Variants in CNNM2 observed in about 807,000 individuals in gnomAD.
CNNM2 encodes the protein cyclin and CBS domain divalent metal cation transport mediator 2.
A neutral mutation model predicts 66.9 loss-of-function variants in CNNM2; 12 were observed. That is an observed-to-expected ratio of 0.18 (90% CI 0.11 to 0.29). The LOEUF is 0.29. CNNM2 is among the 10% of genes least tolerant of loss of function. The pLI is 1.00. For synonymous variants in CNNM2, 557 were observed against 501.8 expected (o/e 1.11, Z -1.47); for missense variants, 705 against 1,167.7 (o/e 0.60, Z 5.77).
At chr10:103,034,559 T>C (rs542278650) in intron 1 of CNNM2, among the ~76,000 whole-genome samples, 60 of 152,286 alleles carry the variant, frequency 3.9e-4, no homozygotes, top group African/African-American at 1.4e-3. Flanking sequence ...ACTGATCTTG[T>C]CTACTTGTGT....
chr10:103,012,609 C>A (rs1414570344), intron 1 of CNNM2, among the ~76,000 whole-genome samples: 1 of 149,386 alleles, frequency 6.7e-6, no homozygotes, highest in East Asian at 2.0e-4. Context: ...GATTGCACCA[C>A]TGCACTCCAG....
rs2065868773 is a variant in CNNM2 at position 103,087,830 on chromosome 10, G to A, written c.*10650G>A. The stretch of plus-strand genomic sequence containing the variant: ...CCAATATATACCATTTAGAATGTAT[G>A]TATGTTTCTTGGATGACTTAATCTG... On this transcript the variant is annotated 3_prime_UTR_variant, in exon 8 of 8. Coordinates refer to ENST00000369878, the MANE Select transcript of CNNM2 (RefSeq NM_017649.5). The A allele has an allele frequency of 3.9e-5, 6 of 152,196 alleles. No individual in the cohort carries two copies. In the South Asian group the frequency reaches 8.3e-4, roughly 21 times the overall value. The allele number at this position is 152,196 out of a possible 1,614,324, so 9.4% of individuals were successfully genotyped here.
intron 1 of CNNM2, among the ~76,000 whole-genome samples, chr10:102,994,283 C>T (rs2063949028): frequency 1.3e-5 from 2 of 152,168 alleles, no homozygotes; most frequent in African/African-American, 4.8e-5. Flanking sequence ...TGTGAAGTTG[C>T]AGACATATAA....
At chr10:103,020,507 G>A (rs933632529) in intron 1 of CNNM2, among the ~76,000 whole-genome samples, 1 of 152,108 alleles carries the variant, frequency 6.6e-6, no homozygotes, top group Non-Finnish European at 1.5e-5. Context: ...TATTTAATCA[G>A]TATTTTCCAT....
At chr10:103,006,811 T>C (rs2064237857) in intron 1 of CNNM2, among the ~76,000 whole-genome samples, 1 of 152,140 alleles carries the variant, frequency 6.6e-6, no homozygotes, top group South Asian at 2.1e-4. Flanking sequence ...TATTTATTCA[T>C]TTATAGTGAT....
chr10:103,057,149 A>G (rs376822858), intron 4 of CNNM2, among the ~76,000 whole-genome samples, 185 bp downstream of exon 4: 11 of 152,254 alleles, frequency 7.2e-5, no homozygotes, highest in African/African-American at 2.4e-4. Context: ...CAATGCCAAT[A>G]GTTACTTTAA....
chr10:102,953,450 G>A (rs930476049), intron 1 of CNNM2, among the ~76,000 whole-genome samples: 1 of 152,060 alleles, frequency 6.6e-6, no homozygotes, highest in Non-Finnish European at 1.5e-5. Context: ...GTAGAGACAC[G>A]GTTTCACCAT....
At chr10:103,002,186 AAAG>A (rs1446448218) in intron 1 of CNNM2, among the ~76,000 whole-genome samples, 2 of 152,180 alleles carry the variant, frequency 1.3e-5, no homozygotes, top group Admixed American at 6.6e-5. Context: ...AAGGAAGTGA[AAAG>A]AACCCACAGA....
At position 103,061,706 on chromosome 10, in the gene CNNM2, T is replaced by C. The variant is rs79259259; in HGVS notation, c.2073+4742T>C. Among the ~76,000 whole-genome samples the C allele has an allele frequency of 9.2e-5, 14 of 152,336 alleles. No individual in the cohort carries two copies. The East Asian group carries it at 2.7e-3, about 29-fold the overall frequency. ...TGATAATATAAGCCAATCTCACTTG[T>C]TAACATTGATGTAGAATTTCTAAAT... is the stretch of plus-strand genomic sequence containing the variant. On this transcript the variant is annotated intron_variant, in intron 4 of 7. Coordinates refer to ENST00000369878, the MANE Select transcript of CNNM2 (RefSeq NM_017649.5).
At chr10:102,944,797 A>C (rs1389202765) in intron 1 of CNNM2, among the ~76,000 whole-genome samples, 1 of 152,158 alleles carries the variant, frequency 6.6e-6, no homozygotes, top group Non-Finnish European at 1.5e-5. Context: ...TTCAGTCCAC[A>C]TTCATTCACT....
At chr10:103,058,855 A>G (rs552719646) in intron 4 of CNNM2, among the ~76,000 whole-genome samples, 4 of 152,376 alleles carry the variant, frequency 2.6e-5, no homozygotes, top group Non-Finnish European at 4.4e-5. Flanking sequence ...TCAATCTGGC[A>G]TAGCTGCCAT....
At chr10:103,069,608 T>C (rs1285537611) in intron 5 of CNNM2, among the ~76,000 whole-genome samples, 1 of 152,182 alleles carries the variant, frequency 6.6e-6, no homozygotes, top group Admixed American at 6.5e-5. Context: ...CATGGGGGAT[T>C]GACAGTTCTC....
intron 1 of CNNM2, among the ~76,000 whole-genome samples, chr10:102,969,157 TG>T (rs1206015483): frequency 6.6e-6 from 1 of 152,024 alleles, no homozygotes; most frequent in Non-Finnish European, 1.5e-5. Context: ...TCAAGTGATA[TG>T]CCCACCTCAG....
chr10:103,004,169 A>G (rs1049884508), intron 1 of CNNM2, among the ~76,000 whole-genome samples: 1 of 147,252 alleles, frequency 6.8e-6, no homozygotes, highest in Non-Finnish European at 1.5e-5. Context: ...AGCCTGGCTA[A>G]TTTTTTTGTA....
At chr10:103,025,222 G>A (rs1815905401) in intron 1 of CNNM2, among the ~76,000 whole-genome samples, 1 of 152,202 alleles carries the variant, frequency 6.6e-6, no homozygotes, top group Non-Finnish European at 1.5e-5. Context: ...CTCCCAAGTA[G>A]CTGGGATTAC....
chr10:102,923,737 T>A (rs1346385951), intron 1 of CNNM2, among the ~76,000 whole-genome samples: 1 of 152,228 alleles, frequency 6.6e-6, no homozygotes, highest in Non-Finnish European at 1.5e-5. Context: ...TCTAAAGAAT[T>A]GTGTTGACAG....
chr10:102,936,299 G>A (rs974128132), intron 1 of CNNM2, among the ~76,000 whole-genome samples: 26 of 152,088 alleles, frequency 1.7e-4, no homozygotes, highest in Non-Finnish European at 2.6e-4. Flanking sequence ...GAACAAGATA[G>A]CATGCTTTCT....
At chr10:103,023,889 T>C (rs1253758226) in intron 1 of CNNM2, among the ~76,000 whole-genome samples, 3 of 152,246 alleles carry the variant, frequency 2.0e-5, no homozygotes, top group African/African-American at 7.2e-5. Context: ...AATATACATA[T>C]ATTTTTTAGA....
chr10:102,950,143 C>A (rs1846773997), intron 1 of CNNM2, among the ~76,000 whole-genome samples: 1 of 152,106 alleles, frequency 6.6e-6, no homozygotes, highest in South Asian at 2.1e-4. Context: ...TAGTCACAGG[C>A]AGATATTGGT....
Sources: allele counts gnomAD v4.1 joint callset (sites outside exome capture counted in the v4.1 genomes callset), GRCh38; gene constraint gnomAD v4.1.1; transcripts MANE v1.5; gene names NCBI Gene and HGNC (gene_info 2026-07-23, HGNC 2026-07-21).